POLK: variants seen among roughly 807,000 people sequenced by gnomAD.
POLK encodes the protein polymerase (DNA directed) kappa.
Under a neutral mutation model 94.0 loss-of-function variants are expected in POLK, and 76 were observed. The ratio of observed to expected loss-of-function variants is 0.81; its 90% confidence interval spans 0.67 to 0.98. The LOEUF is 0.98. POLK is among the 50% of genes least tolerant of loss of function. The pLI is 0.00. For missense variants in POLK, 954 were observed against 1,010.1 expected (o/e 0.94, Z 0.75); for synonymous variants, 349 against 325.4 (o/e 1.07, Z -0.78).
At chr5:75,602,259 G>T (rs1773311844), downstream of POLK, among the ~76,000 whole-genome samples, 1 of 152,212 alleles carries the variant, frequency 6.6e-6, no homozygotes, top group Non-Finnish European at 1.5e-5. Flanking sequence ...CCCCAGGGGT[G>T]TAGTGATACC....
downstream of POLK, among the ~76,000 whole-genome samples, chr5:75,603,496 G>A (rs1448541863): frequency 1.3e-5 from 2 of 151,698 alleles, no homozygotes; most frequent in African/African-American, 4.8e-5. Context: ...GAATGAGTAG[G>A]AAAAGGGAGT....
At chr5:75,563,214 A>C (rs1771080492) in intron 3 of POLK, among the ~76,000 whole-genome samples, 2 of 152,110 alleles carry the variant, frequency 1.3e-5, no homozygotes, top group Non-Finnish European at 2.9e-5. Flanking sequence ...TGCCCGCTTC[A>C]GCCTCCCAAA....
rs5744582 is a variant in POLK, at chr5:75,545,254, G to C, written c.-13-1756G>C. 2.5e-4 allele frequency among the ~76,000 whole-genome samples: 38 copies of C among 152,344 alleles called. 2 individuals are homozygous for C. In the East Asian group the frequency reaches 3.5e-3, roughly 14 times the overall value. On this transcript the variant is annotated intron_variant, in intron 1 of 14. Coordinates refer to ENST00000241436, the Ensembl canonical transcript of POLK. ...TTGTTAAGGGAAGATCCTCAAGGCA[G>C]AGTGGAGTAAATGAGTGCCCTCTCT...
At chr5:75,607,218 G>A in the POLK span, among the ~76,000 whole-genome samples, 1 of 152,166 alleles carries the variant, frequency 6.6e-6, no homozygotes, top group East Asian at 1.9e-4. Flanking sequence ...TGTAATCTCA[G>A]CACTTTGGGA....
chr5:75,512,004 C>T (rs1207465757), intron 1 of POLK, 90 bp downstream of exon 1: 2 of 569,312 alleles, frequency 3.5e-6, no homozygotes, highest in Non-Finnish European at 6.3e-6. Context: ...ACCAGCCCCT[C>T]GGCCTCGCTT....
exon 5 of POLK, chr5:75,573,774 C>G: frequency 6.2e-7 from 1 of 1,612,756 alleles, no homozygotes; most frequent in Non-Finnish European, 8.5e-7. Flanking sequence ...ATTTGGTGTT[C>G]GTGCAGCCAT....
At chr5:75,561,074 T>C (rs1236526254) in intron 3 of POLK, among the ~76,000 whole-genome samples, 2 of 152,196 alleles carry the variant, frequency 1.3e-5, no homozygotes, top group Non-Finnish European at 2.9e-5. Context: ...TTCTAGATCC[T>C]TGAGGAATCG....
intron 4 of POLK, among the ~76,000 whole-genome samples, chr5:75,573,334 A>AG (rs1047404634): frequency 1.3e-5 from 2 of 152,084 alleles, no homozygotes; most frequent in African/African-American, 4.8e-5. Flanking sequence ...GGACACAGGA[A>AG]GGGGAATATC....
chr5:75,592,311 A>G (rs756956256), intron 11 of POLK, among the ~76,000 whole-genome samples: 5 of 152,234 alleles, frequency 3.3e-5, no homozygotes, highest in Non-Finnish European at 7.3e-5. Flanking sequence ...ACACTTTTAG[A>G]AAGATTTTTT....
chr5:75,524,213 A>G (rs1382645282), intron 1 of POLK, among the ~76,000 whole-genome samples: 1 of 152,120 alleles, frequency 6.6e-6, no homozygotes, highest in East Asian at 1.9e-4. Context: ...GTGCTCATAG[A>G]GAATATGAGA....
chr5:75,511,116 C>T (rs1767961630), upstream of POLK: 1 of 1,582,268 alleles, frequency 6.3e-7, no homozygotes, highest in Non-Finnish European at 8.6e-7. Flanking sequence ...GCTCACCTTA[C>T]TGAGGACCCC....
chr5:75,563,672 G>A (rs896622616), intron 3 of POLK, among the ~76,000 whole-genome samples: 1 of 152,152 alleles, frequency 6.6e-6, no homozygotes, highest in Non-Finnish European at 1.5e-5. Flanking sequence ...AGTCATTCAT[G>A]AGCAGGTTGT....
Position 75,576,791 on chromosome 5 carries a change from A to T in POLK, c.552A>T (p.Ile184=), listed in dbSNP as rs569418997. 6 of 1,508,192 alleles carry T rather than the reference A, an allele frequency of 4.0e-6. No individual in the cohort carries two copies. In the South Asian group the frequency reaches 4.1e-5, roughly 10 times the overall value. 93.4% of individuals were successfully genotyped at this position (1,508,192 alleles called of 1,614,324 possible). A position where few individuals can be genotyped will look rare whatever the true frequency, so the allele number is the denominator to read the frequency against. The change falls in exon 6 of 15, where the codon ATA becomes ATT. Residue 184 remains isoleucine, a synonymous_variant. Transcript: ENST00000241436. ...TGTTTCCTTTGAAGGTTAAGGAAAT[A>T]CTTGCTGATTATGATCCCAATTTTA...
chr5:75,559,534 T>G (rs1326518704), intron 3 of POLK, among the ~76,000 whole-genome samples: 28 of 134,364 alleles, frequency 2.1e-4, no homozygotes, highest in African/African-American at 7.1e-4. Flanking sequence ...TTTTTTTTTT[T>G]TTTTTTTTTT....
At chr5:75,547,730 T>C (rs1770115629) in intron 2 of POLK, among the ~76,000 whole-genome samples, 1 of 152,226 alleles carries the variant, frequency 6.6e-6, no homozygotes, top group African/African-American at 2.4e-5. Context: ...AATATATGCA[T>C]GTGTGATTTT....
chr5:75,569,855 A>G (rs914438826), intron 4 of POLK, among the ~76,000 whole-genome samples: 3 of 152,318 alleles, frequency 2.0e-5, no homozygotes, highest in East Asian at 3.9e-4. Context: ...TGCAAACTCT[A>G]TTGTGAACTG....
exon 15 of POLK, chr5:75,598,949 ATAAT>A (rs1297092945): frequency 1.3e-5 from 2 of 152,166 alleles, no homozygotes; most frequent in Non-Finnish European, 2.9e-5. Flanking sequence ...TTCTCAAAAA[ATAAT>A]TAGTTAGGCC....
chr5:75,527,925 T>C (rs903845146), intron 1 of POLK, among the ~76,000 whole-genome samples: 2 of 152,146 alleles, frequency 1.3e-5, no homozygotes, highest in South Asian at 4.1e-4. Context: ...GGAGCTGTTA[T>C]ATGAAATATC....
intron 9 of POLK, among the ~76,000 whole-genome samples, chr5:75,585,430 G>A (rs1472177526): frequency 6.6e-6 from 1 of 152,206 alleles, no homozygotes; most frequent in Non-Finnish European, 1.5e-5. Context: ...CCCTCATGGA[G>A]TTTACAGACT....
Sources: gnomAD v4.1 joint callset for allele counts (sites outside exome capture counted in the v4.1 genomes callset) on GRCh38, gnomAD v4.1.1 for gene constraint, MANE v1.5 for transcripts, NCBI Gene and HGNC (gene_info 2026-07-23, HGNC 2026-07-21) for gene names.